The following GRID1 variants were observed in gnomAD, a reference collection of about 807,000 sequenced individuals.
The protein encoded by GRID1 is glutamate ionotropic receptor delta type subunit 1.
A neutral mutation model predicts 98.0 loss-of-function variants in GRID1; 28 were observed. The observed-to-expected ratio is 0.29, with a 90% CI of 0.21 to 0.39. The LOEUF (loss-of-function observed/expected upper bound fraction) is 0.39. Among genes scored for constraint, GRID1 ranks in the 10% least tolerant of loss-of-function variants. The probability of loss-of-function intolerance (pLI) is 1.00; values close to 1 mark genes in which losing one functional copy is unlikely to be tolerated. For missense variants in GRID1, 1,111 were observed against 1,340.5 expected, an observed-to-expected ratio of 0.83 and a Z score of 2.67; for synonymous variants, 553 against 538.5, an observed-to-expected ratio of 1.03 and a Z score of -0.37.
intron 2 of GRID1, among the ~76,000 whole-genome samples, chr10:86,254,877 T>A (rs1846893674): frequency 6.6e-6 from 1 of 152,220 alleles, no homozygotes; most frequent in Admixed American, 6.5e-5. Context: ...CCAAGCAGGC[T>A]GGCCTTGCCT....
intron 4 of GRID1, among the ~76,000 whole-genome samples, chr10:86,073,228 A>G (rs112803547): frequency 0.044 from 6,638 of 152,260 alleles, 169 homozygotes; most frequent in Middle Eastern, 0.068. Context: ...ACGAATCCAT[A>G]CTCATCACAC....
chr10:86,198,379 A>T (rs1205208033), intron 3 of GRID1, among the ~76,000 whole-genome samples: 1 of 151,992 alleles, frequency 6.6e-6, no homozygotes, highest in Non-Finnish European at 1.5e-5. Flanking sequence ...ACCAAAATAC[A>T]GCTGTGTTCT....
chr10:85,984,161 C>T (rs2001448), intron 4 of GRID1, among the ~76,000 whole-genome samples: 1,798 of 152,228 alleles, frequency 0.012, 32 homozygotes, highest in African/African-American at 0.041. Flanking sequence ...ATCTCCCTGG[C>T]TTCATCCCTG....
intron 12 of GRID1, among the ~76,000 whole-genome samples, chr10:85,672,709 GA>G (rs112540014): frequency 0.026 from 3,805 of 143,714 alleles, 143 homozygotes; most frequent in African/African-American, 0.087. Flanking sequence ...TACTGCTCAG[GA>G]AAAAAAAAAA....
At chr10:85,730,513 G>T (rs943642440) in intron 8 of GRID1, among the ~76,000 whole-genome samples, 1 of 152,200 alleles carries the variant, frequency 6.6e-6, no homozygotes, top group Non-Finnish European at 1.5e-5. Context: ...CCTCCTGAGT[G>T]CTCCTGATAC....
chr10:86,233,297 G>A (rs1846484368), intron 2 of GRID1, among the ~76,000 whole-genome samples: 1 of 152,126 alleles, frequency 6.6e-6, no homozygotes, highest in African/African-American at 2.4e-5. Flanking sequence ...CAGATGAGAT[G>A]GCTGGGAGCA....
chr10:86,162,990 G>C (rs1845343843), intron 3 of GRID1, among the ~76,000 whole-genome samples: 1 of 152,218 alleles, frequency 6.6e-6, no homozygotes, highest in Non-Finnish European at 1.5e-5. Flanking sequence ...TTGAGTTGGA[G>C]AGGCCTGTAC....
At chr10:85,618,350 G>A (rs931257244) in intron 14 of GRID1, among the ~76,000 whole-genome samples, 2 of 152,190 alleles carry the variant, frequency 1.3e-5, no homozygotes, top group African/African-American at 2.4e-5. Context: ...GATGCTCAGA[G>A]GTTGATGGTC....
chr10:85,702,904 G>A (rs1053784594), intron 12 of GRID1, among the ~76,000 whole-genome samples: 1 of 151,424 alleles, frequency 6.6e-6, no homozygotes, highest in African/African-American at 2.4e-5. Flanking sequence ...GGAAGACGGT[G>A]AAAAGGAAAG....
intron 12 of GRID1, among the ~76,000 whole-genome samples, chr10:85,678,085 C>T (rs1287329625): frequency 6.6e-6 from 1 of 152,078 alleles, no homozygotes; most frequent in Non-Finnish European, 1.5e-5. Flanking sequence ...AGCATTCTGC[C>T]CCCAACAACC....
intron 4 of GRID1, among the ~76,000 whole-genome samples, chr10:85,983,387 A>G (rs1842569584): frequency 6.6e-6 from 1 of 152,202 alleles, no homozygotes; most frequent in Non-Finnish European, 1.5e-5. Context: ...TCCACTGCCC[A>G]CTGCACGGGA....
chr10:85,993,846 A>C (rs529466451), intron 4 of GRID1, among the ~76,000 whole-genome samples: 1 of 152,296 alleles, frequency 6.6e-6, no homozygotes, highest in South Asian at 2.1e-4. Flanking sequence ...AGACTCGCCC[A>C]AAATCAAAGC....
At chr10:86,136,182 G>A (rs1844922102) in intron 4 of GRID1, among the ~76,000 whole-genome samples, 1 of 152,204 alleles carries the variant, frequency 6.6e-6, no homozygotes, top group South Asian at 2.1e-4. Context: ...GCTTCGTGCA[G>A]GGACAGCATT....
At chr10:86,177,264 T>C (rs550310247) in intron 3 of GRID1, among the ~76,000 whole-genome samples, 1 of 152,294 alleles carries the variant, frequency 6.6e-6, no homozygotes, top group East Asian at 1.9e-4. Context: ...CCAATTACAG[T>C]GCATTGTCTT....
intron 12 of GRID1, among the ~76,000 whole-genome samples, chr10:85,696,768 C>A (rs981016865): frequency 6.6e-6 from 1 of 151,614 alleles, no homozygotes; most frequent in Admixed American, 6.6e-5. Context: ...TTTTTTGTTT[C>A]TAATATAGGC....
intron 4 of GRID1, among the ~76,000 whole-genome samples, chr10:85,973,624 A>G (rs1412414468): frequency 2.6e-5 from 4 of 152,196 alleles, no homozygotes; most frequent in African/African-American, 9.7e-5. Context: ...CTATTTCTAT[A>G]TAAAGTAGCT....
intron 10 of GRID1, among the ~76,000 whole-genome samples, chr10:85,726,497 T>A (rs991952686): frequency 3.9e-5 from 6 of 152,216 alleles, no homozygotes; most frequent in Admixed American, 2.0e-4. Flanking sequence ...ATAGAATCCA[T>A]TCAGGCTTAG....
At chr10:86,184,455 T>C (rs1293977215) in intron 3 of GRID1, among the ~76,000 whole-genome samples, 1 of 131,496 alleles carries the variant, frequency 7.6e-6, no homozygotes, top group Non-Finnish European at 1.6e-5. Context: ...AGTATATTTC[T>C]TTTTTCTTTT....
In GRID1 at chr10:85,899,996, CA is replaced by C. The variant is rs1338907873; in HGVS notation, c.780+16189del. ...AGCCACCTCTAAGAGACAGCTGCCT[CA>C]ATGTATGTAGCATCCCCTGGTTTGA... On this transcript the variant is annotated intron_variant, in intron 5 of 15. Transcript: ENST00000327946. 2.6e-5 allele frequency among the ~76,000 whole-genome samples: 4 copies of C among 152,184 alleles called. No individual in the cohort carries two copies. In the East Asian group the frequency reaches 7.7e-4, roughly 29 times the overall value.
Sources: allele counts gnomAD v4.1 joint callset (sites outside exome capture counted in the v4.1 genomes callset), GRCh38; gene constraint gnomAD v4.1.1; transcripts MANE v1.5; gene names NCBI Gene and HGNC (gene_info 2026-07-23, HGNC 2026-07-21).